Variants in ST7 observed in about 807,000 individuals in gnomAD.
ST7 encodes the protein suppressor of tumorigenicity 7 protein.
Under a neutral mutation model 78.7 loss-of-function variants are expected in ST7, and 28 were observed. The ratio of observed to expected loss-of-function variants is 0.36; its 90% CI spans 0.26 to 0.49. ST7 has a LOEUF of 0.49. Among genes scored for constraint, ST7 ranks in the 20% least tolerant of loss-of-function variants. The pLI is 0.99. For missense variants in ST7, 418 were observed against 696.0 expected (o/e 0.60, Z 4.49); for synonymous variants, 247 against 249.6 (o/e 0.99, Z 0.10).
rs112684668 is a variant in ST7 at position 116,967,488 on chromosome 7, C to T, written c.151+13797C>T. ...CCCAGAGGCAGGTCTACAGCTCTAG[C>T]GGGTCCAGTCCCAGTGGACCTTTCT... is the stretch of plus-strand genomic sequence containing the variant. On this transcript the variant is annotated intron_variant, in intron 1 of 15. Coordinates refer to ENST00000323984, the MANE Select transcript of ST7 (RefSeq NM_001369598.1). 2,226 of 450,974 alleles carry T rather than the reference C, an allele frequency of 4.9e-3. 38 individuals carry two copies. The highest frequency in any genetic ancestry group is 0.038 in the African/African-American group (1,912 of 49,860). 27.9% of individuals were successfully genotyped at this position (450,974 alleles called of 1,614,324 possible).
intron 1 of ST7, among the ~76,000 whole-genome samples, chr7:117,020,973 A>G (rs2116030160): frequency 6.6e-6 from 1 of 152,284 alleles, no homozygotes; most frequent in South Asian, 2.1e-4. Flanking sequence ...AGATACTGGG[A>G]GGATCTGAGA....
At chr7:117,202,480 G>C (rs189991317) in intron 12 of ST7, among the ~76,000 whole-genome samples, 2 of 152,208 alleles carry the variant, frequency 1.3e-5, no homozygotes, top group African/African-American at 4.8e-5. Flanking sequence ...CTTTACCCTA[G>C]CTAAGGAGCT....
intron 13 of ST7, among the ~76,000 whole-genome samples, chr7:117,215,151 A>T (rs1792595251): frequency 6.6e-6 from 1 of 152,146 alleles, no homozygotes; most frequent in South Asian, 2.1e-4. Flanking sequence ...ACTAAGGGAA[A>T]GTGTTTTTCC....
chr7:117,185,406 A>C (rs916284026), intron 10 of ST7, among the ~76,000 whole-genome samples: 2 of 152,204 alleles, frequency 1.3e-5, no homozygotes, highest in Non-Finnish European at 2.9e-5. Context: ...CAGTTACTGC[A>C]TGTACATGAC....
intron 9 of ST7, among the ~76,000 whole-genome samples, chr7:117,152,077 C>T (rs1226558187): frequency 2.0e-5 from 3 of 148,896 alleles, no homozygotes. Context: ...CGAGATCATG[C>T]CATTGCACTC....
At chr7:117,067,910 A>G (rs943273438) in intron 1 of ST7, among the ~76,000 whole-genome samples, 3 of 152,210 alleles carry the variant, frequency 2.0e-5, no homozygotes, top group African/African-American at 7.2e-5. Flanking sequence ...ATTTGTTGAC[A>G]TGGTGTTGGC....
intron 1 of ST7, chr7:117,020,296 A>T (rs557196369): frequency 5.9e-4 from 246 of 414,414 alleles, no homozygotes; most frequent in Non-Finnish European, 9.7e-4. Context: ...GCTGCTACCT[A>T]GTCCAGCCTC....
intron 1 of ST7, chr7:116,972,071 ATCAGTCCTCAGTTAAAGG>A (rs928795266): frequency 4.0e-6 from 2 of 498,332 alleles, no homozygotes; most frequent in African/African-American, 3.9e-5. Flanking sequence ...CCAGTTAAAG[ATCAGTCCTCAGTTAAAGG>A]TCAGCTTCAG....
intron 9 of ST7, among the ~76,000 whole-genome samples, chr7:117,170,537 C>T (rs761488942): frequency 5.3e-5 from 8 of 151,968 alleles, no homozygotes; most frequent in Non-Finnish European, 1.0e-4. Context: ...AAAAATTAGC[C>T]GGGCATGGTA....
At chr7:117,037,733 AT>A (rs1471815055) in intron 1 of ST7, among the ~76,000 whole-genome samples, 2 of 152,204 alleles carry the variant, frequency 1.3e-5, no homozygotes, top group Admixed American at 6.5e-5. Flanking sequence ...ATCATCTTGA[AT>A]TTTGTGAAAT....
intron 2 of ST7, among the ~76,000 whole-genome samples, chr7:117,100,431 G>A (rs757769344): frequency 1.3e-5 from 2 of 152,078 alleles, no homozygotes; most frequent in African/African-American, 2.4e-5. Flanking sequence ...CCGAGATCGC[G>A]CCATTGCACT....
intron 1 of ST7, among the ~76,000 whole-genome samples, chr7:116,981,780 G>A (rs1290208251): frequency 6.6e-6 from 1 of 152,266 alleles, no homozygotes; most frequent in African/African-American, 2.4e-5. Context: ...TGATAAAAGT[G>A]TAGTAAATAC....
At chr7:117,216,989 C>T (rs961089923) in intron 13 of ST7, among the ~76,000 whole-genome samples, 10 of 152,062 alleles carry the variant, frequency 6.6e-5, no homozygotes, top group African/African-American at 1.7e-4. Context: ...GCCAACTTGA[C>T]GCACAAAATT....
intron 1 of ST7, among the ~76,000 whole-genome samples, chr7:117,082,507 G>A (rs1799860317): frequency 2.0e-5 from 3 of 152,184 alleles, no homozygotes; most frequent in Admixed American, 6.5e-5. Flanking sequence ...AAGTTTCGAG[G>A]AATGGCAGCA....
intron 9 of ST7, among the ~76,000 whole-genome samples, chr7:117,163,620 T>G (rs985189629): frequency 2.6e-5 from 4 of 152,190 alleles, no homozygotes; most frequent in Non-Finnish European, 5.9e-5. Flanking sequence ...TCAGATAATT[T>G]GACCATTTTT....
In ST7 at chr7:116,972,528, C is replaced by T. The variant is rs976720724; in HGVS notation, c.151+18837C>T. 10 of 1,120,072 alleles carry T rather than the reference C, an allele frequency of 8.9e-6. No individual in the cohort carries two copies. The African/African-American group carries it at 1.4e-4, about 16-fold the overall frequency. The allele number at this position is 1,120,072 out of a possible 1,614,324, so 69.4% of individuals were successfully genotyped here. On this transcript the variant is annotated intron_variant, in intron 1 of 15. Coordinates refer to ENST00000323984, the MANE Select transcript of ST7 (RefSeq NM_001369598.1). ...CAATGATCACCAACTTATGAGCTAC[C>T]TCTTCATATTTCCTATTTGCCTCTT...
intron 9 of ST7, among the ~76,000 whole-genome samples, chr7:117,154,662 G>A (rs1806551528): frequency 6.6e-6 from 1 of 152,210 alleles, no homozygotes; most frequent in Non-Finnish European, 1.5e-5. Flanking sequence ...GGTAAATCCT[G>A]GAGGTTTACT....
At chr7:117,024,659 C>A (rs988555555) in intron 1 of ST7, among the ~76,000 whole-genome samples, 2 of 152,074 alleles carry the variant, frequency 1.3e-5, no homozygotes, top group African/African-American at 4.8e-5. Context: ...GAAAATAAAT[C>A]ACCAGAGAAC....
chr7:116,992,386 G>A (rs1336794730), intron 1 of ST7, among the ~76,000 whole-genome samples: 1 of 152,170 alleles, frequency 6.6e-6, no homozygotes, highest in African/African-American at 2.4e-5. Flanking sequence ...CTTGACTTCT[G>A]TGCATCTGCA....
Sources: allele counts gnomAD v4.1 joint callset (sites outside exome capture counted in the v4.1 genomes callset), GRCh38; gene constraint gnomAD v4.1.1; transcripts MANE v1.5; gene names NCBI Gene and HGNC (gene_info 2026-07-23, HGNC 2026-07-21).